ACTA2: variants seen among roughly 807,000 people sequenced by gnomAD.
The protein encoded by ACTA2 is actin alpha 2, smooth muscle.
Under a neutral mutation model 39.5 loss-of-function variants are expected in ACTA2, and 12 were observed. That is an observed-to-expected ratio of 0.30 (90% CI 0.19 to 0.49). The LOEUF (loss-of-function observed/expected upper bound fraction) is 0.49. Ranked by LOEUF, ACTA2 falls within the 20% of genes least tolerant of loss-of-function variation. The probability of loss-of-function intolerance (pLI) is 0.99; values close to 1 mark genes in which losing one functional copy is unlikely to be tolerated. For synonymous variants in ACTA2, 158 were observed against 180.6 expected, an observed-to-expected ratio of 0.88 and a Z score of 1.00; for missense variants, 236 against 498.8, an observed-to-expected ratio of 0.47 and a Z score of 5.02.
intron 1 of ACTA2, among the ~76,000 whole-genome samples, chr10:88,952,397 G>C (rs1033432742): frequency 6.6e-6 from 1 of 152,140 alleles, no homozygotes; most frequent in Non-Finnish European, 1.5e-5. Flanking sequence ...ACAAATAAAT[G>C]TATAACTTAC....
intron 1 of ACTA2, among the ~76,000 whole-genome samples, chr10:88,960,650 G>C (rs1360366274): frequency 6.8e-6 from 1 of 147,318 alleles, no homozygotes; most frequent in Non-Finnish European, 1.5e-5. Context: ...TGGAATATAT[G>C]GCCATGTGAA....
intron 1 of ACTA2, among the ~76,000 whole-genome samples, chr10:88,975,642 ATT>A (rs564584574): frequency 6.7e-6 from 1 of 148,776 alleles, no homozygotes; most frequent in East Asian, 1.9e-4. Context: ...TGAGAGTAGG[ATT>A]TTTTTTTTTC....
At chr10:88,958,177 A>C (rs1178368111) in intron 1 of ACTA2, among the ~76,000 whole-genome samples, 1 of 151,724 alleles carries the variant, frequency 6.6e-6, no homozygotes, top group Admixed American at 6.6e-5. Context: ...CAACTATAAT[A>C]TGTTTGAAGG....
chr10:88,941,536 G>A (rs1164781740), intron 5 of ACTA2, 146 bp from the exon 6 acceptor site: 14 of 1,057,714 alleles, frequency 1.3e-5, no homozygotes, highest in Non-Finnish European at 7.1e-6. Context: ...GGAGAGGTGA[G>A]GTGGGACAGG....
chr10:88,943,090 G>T (rs1414104156), intron 4 of ACTA2, among the ~76,000 whole-genome samples: 2 of 152,160 alleles, frequency 1.3e-5, no homozygotes, highest in African/African-American at 4.8e-5. Flanking sequence ...AAGAGACAAT[G>T]AATGTAAAAT....
At position 88,938,076 on chromosome 10, in the gene ACTA2, G is replaced by A. The variant is rs1845776920; in HGVS notation, c.975C>T (p.Ser325=). 1.9e-6 allele frequency: 3 copies of A among 1,613,868 alleles called. No homozygotes were observed. Among genetic ancestry groups the A allele is most frequent in the African/African-American group, 1.3e-5 (1 of 74,916 alleles). Reference sequence around the variant, plus strand: ...TGAACAGTACCTTGATCTTCATGGTGCTGGGTGCTAGGGCCGTGATCTCCT... The same window carrying A: ...TGAACAGTACCTTGATCTTCATGGTACTGGGTGCTAGGGCCGTGATCTCCT... ...MQKEITALAP[S]TMKIKIIAPP... Residue 325 remains serine (S), a synonymous_variant, in exon 8 of 9, where the codon AGC becomes AGT. Coordinates refer to ENST00000224784, the MANE Select transcript of ACTA2 (RefSeq NM_001613.4).
chr10:88,967,215 G>C (rs1044700650), intron 1 of ACTA2, among the ~76,000 whole-genome samples: 3 of 152,146 alleles, frequency 2.0e-5, no homozygotes, highest in Admixed American at 2.0e-4. Flanking sequence ...AGAGCTCCCA[G>C]TTCTTTAAAC....
Position 88,951,406 on chromosome 10 carries a change from G to T in ACTA2, c.-24+1325C>A, listed in dbSNP as rs576214828. ...TTTTTAATAACTGTTTTGTTGGGCAGTGATGGCTTGGGAGGAGGGGTTGAC... is the reference window on the plus strand; with the variant it reads ...TTTTTAATAACTGTTTTGTTGGGCATTGATGGCTTGGGAGGAGGGGTTGAC... On this transcript the variant is annotated intron_variant, in intron 1 of 8. Transcript: ENST00000224784. Among the ~76,000 whole-genome samples, 43 of 152,246 alleles carry T rather than the reference G, an allele frequency of 2.8e-4. 1 individual carries two copies. The highest frequency in any genetic ancestry group is 5.3e-4 in the Non-Finnish European group (36 of 68,016).
At chr10:88,949,019 T>G in intron 1 of ACTA2, 66 bp from the exon 2 acceptor site, 12 of 1,566,428 alleles carry the variant, frequency 7.7e-6, no homozygotes, top group Non-Finnish European at 9.6e-6. Flanking sequence ...ACCTGACAAC[T>G]CCCACCTCCA....
chr10:88,978,925 C>A (rs933784117), intron 1 of ACTA2, among the ~76,000 whole-genome samples: 2 of 151,388 alleles, frequency 1.3e-5, no homozygotes, highest in African/African-American at 2.4e-5. Flanking sequence ...TTAATAGGAA[C>A]TAATATTCAT....
chr10:88,987,244 T>C (rs1376264317), intron 1 of ACTA2, among the ~76,000 whole-genome samples: 2 of 152,240 alleles, frequency 1.3e-5, no homozygotes, highest in Non-Finnish European at 2.9e-5. Flanking sequence ...AGCTTGAAAC[T>C]AGAATAGCTA....
intron 1 of ACTA2, among the ~76,000 whole-genome samples, chr10:88,950,506 C>A (rs1431198686): frequency 6.6e-6 from 1 of 152,178 alleles, no homozygotes. Context: ...TAAAATAACT[C>A]TTTGCAAAGA....
intron 1 of ACTA2, among the ~76,000 whole-genome samples, chr10:88,960,528 TA>T (rs1480122321): frequency 1.3e-5 from 2 of 152,232 alleles, no homozygotes; most frequent in African/African-American, 4.8e-5. Flanking sequence ...CCAAGAAGGA[TA>T]CATATAGTGC....
chr10:88,978,612 C>T (rs567198103), intron 1 of ACTA2, among the ~76,000 whole-genome samples: 2 of 152,248 alleles, frequency 1.3e-5, no homozygotes, highest in South Asian at 4.2e-4. Flanking sequence ...GAAGTGACAA[C>T]CAGTCAGGCT....
intron 1 of ACTA2, among the ~76,000 whole-genome samples, chr10:88,985,214 A>G (rs538056963): frequency 6.5e-4 from 99 of 152,340 alleles, no homozygotes; most frequent in Non-Finnish European, 4.4e-4. Flanking sequence ...GGGGTTAAAT[A>G]TTATGCACAG....
At chr10:88,964,797 CA>C (rs1846292249) in intron 1 of ACTA2, among the ~76,000 whole-genome samples, 1 of 152,114 alleles carries the variant, frequency 6.6e-6, no homozygotes, top group Non-Finnish European at 1.5e-5. Flanking sequence ...TGCAGCTGTA[CA>C]AATTAAGGTA....
intron 1 of ACTA2, chr10:88,974,264 T>A (rs1846514763): frequency 1.3e-5 from 2 of 150,776 alleles, no homozygotes; most frequent in South Asian, 4.2e-4. Flanking sequence ...AAAAAAAAAA[T>A]CAGGCTCTCA....
chr10:88,983,630 AAAAAAAAAAC>A (rs1846773654), intron 1 of ACTA2, among the ~76,000 whole-genome samples: 1 of 147,696 alleles, frequency 6.8e-6, no homozygotes, highest in Non-Finnish European at 1.5e-5. Flanking sequence ...AAAAAAAAAA[AAAAAAAAAAC>A]ACACACACAC....
At chr10:88,987,649 C>T (rs1846943760) in intron 1 of ACTA2, among the ~76,000 whole-genome samples, 1 of 152,236 alleles carries the variant, frequency 6.6e-6, no homozygotes, top group African/African-American at 2.4e-5. Context: ...AAAATCTACT[C>T]CAACTGAATG....
Sources: allele counts gnomAD v4.1 joint callset (sites outside exome capture counted in the v4.1 genomes callset), GRCh38; gene constraint gnomAD v4.1.1; transcripts MANE v1.5; gene names NCBI Gene and HGNC (gene_info 2026-07-23, HGNC 2026-07-21).